SHC3: variants seen among roughly 807,000 people sequenced by gnomAD.
The protein encoded by SHC3 is SHC-transforming protein 3.
Under a neutral mutation model 60.4 loss-of-function variants are expected in SHC3, and 15 were observed. The ratio of observed to expected loss-of-function variants is 0.25; its 90% CI spans 0.17 to 0.38. The LOEUF is 0.38. SHC3 is among the 10% of genes least tolerant of loss of function. SHC3 has a pLI of 1.00. For synonymous variants in SHC3, 294 were observed against 325.9 expected (o/e 0.90, Z 1.05); for missense variants, 677 against 786.1 (o/e 0.86, Z 1.66).
chr9:89,013,981 T>C (rs1826052770), intron 11 of SHC3, among the ~76,000 whole-genome samples: 1 of 152,144 alleles, frequency 6.6e-6, no homozygotes. Context: ...TCTAGGCCTT[T>C]GCATGGACAT....
intron 1 of SHC3, among the ~76,000 whole-genome samples, chr9:89,165,282 GTGT>G (rs1826770124): frequency 6.6e-6 from 1 of 152,064 alleles, no homozygotes; most frequent in East Asian, 1.9e-4. Flanking sequence ...GTGTGTGTGT[GTGT>G]TTTCACACAC....
intron 2 of SHC3, chr9:89,088,665 G>A (rs1224729911): frequency 6.6e-6 from 1 of 152,152 alleles, no homozygotes; most frequent in Non-Finnish European, 1.5e-5. Context: ...TCAGTAGAAA[G>A]GTCACCAGAA....
In SHC3 at chr9:89,065,599, A is replaced by T. The variant is rs760164274; in HGVS notation, c.784-19T>A. On this transcript the variant is annotated intron_variant, in intron 5 of 11. Coordinates refer to ENST00000375835, the MANE Select transcript of SHC3 (RefSeq NM_016848.6). ...TTGTGTCCTGTTAAAGAAAAAAGAG[A>T]TGTCTATGTCACTAATCACAAGTGA... 1.9e-6 allele frequency: 3 copies of T among 1,613,616 alleles called. No homozygotes were observed. The African/African-American group carries it at 4.0e-5, about 22-fold the overall frequency.
chr9:89,151,009 T>C (rs1308476738), intron 1 of SHC3, among the ~76,000 whole-genome samples: 1 of 131,220 alleles, frequency 7.6e-6, no homozygotes, highest in Non-Finnish European at 1.6e-5. Flanking sequence ...ATTGGCCATC[T>C]GCATGTCTTT....
intron 1 of SHC3, among the ~76,000 whole-genome samples, chr9:89,167,485 G>A (rs924281381): frequency 6.6e-6 from 1 of 152,182 alleles, no homozygotes; most frequent in Non-Finnish European, 1.5e-5. Flanking sequence ...AAAGTCAGAG[G>A]ATGAAAGGAG....
At chr9:89,128,781 A>G (rs1300158294) in intron 1 of SHC3, among the ~76,000 whole-genome samples, 1 of 152,192 alleles carries the variant, frequency 6.6e-6, no homozygotes, top group African/African-American at 2.4e-5. Flanking sequence ...AGGTAGATAA[A>G]ACTACAAAGA....
intron 2 of SHC3, among the ~76,000 whole-genome samples, chr9:89,087,484 G>C (rs774819157): frequency 1.2e-4 from 18 of 152,160 alleles, no homozygotes; most frequent in Non-Finnish European, 2.5e-4. Flanking sequence ...TGCCTGCAGG[G>C]GGACGAGGTC....
intron 1 of SHC3, among the ~76,000 whole-genome samples, chr9:89,114,103 A>G (rs1045954176): frequency 6.6e-6 from 1 of 152,226 alleles, no homozygotes; most frequent in East Asian, 1.9e-4. Flanking sequence ...AGTTATGTGA[A>G]TACCATGAAC....
chr9:89,109,810 C>T (rs1410603328), intron 2 of SHC3: 2 of 985,368 alleles, frequency 2.0e-6, no homozygotes, highest in Non-Finnish European at 2.4e-6. Context: ...ATGCTGAATG[C>T]TTAACACTCA....
intron 7 of SHC3, 113 bp from the exon 8 acceptor site, chr9:89,047,107 C>T: frequency 2.7e-6 from 3 of 1,102,468 alleles, no homozygotes; most frequent in South Asian, 2.4e-5. Flanking sequence ...TCAGTGCCTC[C>T]TCAGCCATCC....
chr9:89,031,710 G>A lies in SHC3; in HGVS notation c.1656+6283C>T, dbSNP rs561109042. Among the ~76,000 whole-genome samples, 3 of 151,938 alleles carry A rather than the reference G, an allele frequency of 2.0e-5. No homozygotes were observed. In the South Asian group the frequency reaches 6.2e-4, roughly 31 times the overall value. ...TGCTACTATAACTATGTGTGCACAAGTTTTTGCGTGGGAATGGGGTGAGGG... is the reference window on the plus strand; with the variant it reads ...TGCTACTATAACTATGTGTGCACAAATTTTTGCGTGGGAATGGGGTGAGGG... On this transcript the variant is annotated intron_variant, in intron 11 of 11. Transcript: ENST00000375835.
chr9:89,173,590 A>G (rs1358743884), intron 1 of SHC3, among the ~76,000 whole-genome samples: 1 of 152,230 alleles, frequency 6.6e-6, no homozygotes, highest in Non-Finnish European at 1.5e-5. Flanking sequence ...CTAACAAGAA[A>G]GAAAACAGCC....
Position 89,112,443 on chromosome 9 carries a change from G to C in SHC3, c.545+113C>G, listed in dbSNP as rs569485608. On this transcript the variant is annotated intron_variant, in intron 2 of 11. Coordinates refer to ENST00000375835, the MANE Select transcript of SHC3 (RefSeq NM_016848.6). ...GGACAGTACTGACTCACTGTCACCA[G>C]CCACTAACCCTCCAAGGGCCGGTCT... The C allele has an allele frequency of 6.4e-6, 7 of 1,101,786 alleles. No individual in the cohort carries two copies. In the South Asian group the frequency reaches 8.2e-5, roughly 13 times the overall value. 68.3% of individuals were successfully genotyped at this position (1,101,786 alleles called of 1,614,324 possible).
intron 1 of SHC3, among the ~76,000 whole-genome samples, chr9:89,137,968 C>A (rs1316415685): frequency 2.6e-5 from 4 of 152,222 alleles, no homozygotes; most frequent in African/African-American, 9.6e-5. Flanking sequence ...AACTATGAGT[C>A]TGTGCAGGCT....
At chr9:89,125,917 C>T (rs1000582200) in intron 1 of SHC3, among the ~76,000 whole-genome samples, 25 of 152,110 alleles carry the variant, frequency 1.6e-4, no homozygotes, top group African/African-American at 4.8e-4. Context: ...GGGGCTGCTC[C>T]GCCTATATAA....
chr9:89,095,446 G>A (rs1032084449), intron 2 of SHC3, among the ~76,000 whole-genome samples: 5 of 152,158 alleles, frequency 3.3e-5, no homozygotes, highest in East Asian at 1.9e-4. Context: ...TTGCTGGATC[G>A]GGACGGGGAG....
chr9:89,085,529 T>A (rs184065857), intron 2 of SHC3, among the ~76,000 whole-genome samples: 2 of 152,306 alleles, frequency 1.3e-5, no homozygotes, highest in East Asian at 3.9e-4. Flanking sequence ...ATTCTGCAGG[T>A]AGATAGACAC....
rs556931089 is a variant in SHC3 at position 89,046,986 on chromosome 9, C to T, written c.971G>A (p.Ser324Asn). 6.3e-7 allele frequency: 1 copy of T among 1,578,148 alleles called. No individual in the cohort carries two copies. ...KIPALHDRMQSLDEPWTEEEG... is the reference protein window; with the variant it reads ...KIPALHDRMQNLDEPWTEEEG... ...CTCTTCCGTCCATGGCTCATCCAGA[C>T]TCTGCATTCTGTTAAAGGAAGATTT... The change falls in exon 8 of 12, where the codon AGT (serine) becomes AAT (asparagine). Residue 324 changes from serine (S) to asparagine (N), a missense_variant. Physicochemically the swap from Ser to Asn is conservative, Grantham distance 46. Transcript: ENST00000375835.
At chr9:89,151,255 A>G (rs952194223) in intron 1 of SHC3, among the ~76,000 whole-genome samples, 4 of 152,182 alleles carry the variant, frequency 2.6e-5, no homozygotes, top group African/African-American at 9.7e-5. Flanking sequence ...TTTCTGAAGA[A>G]ATGTCTATTC....
Sources: gnomAD v4.1 joint callset for allele counts (sites outside exome capture counted in the v4.1 genomes callset) on GRCh38, gnomAD v4.1.1 for gene constraint, MANE v1.5 for transcripts, NCBI Gene and HGNC (gene_info 2026-07-23, HGNC 2026-07-21) for gene names.